FAM221A: variants seen among roughly 807,000 people sequenced by gnomAD.
The protein encoded by FAM221A is protein FAM221A.
FAM221A carries 43 observed loss-of-function variants against 37.6 expected under a neutral mutation model. That is an observed-to-expected ratio of 1.15 (90% CI 0.90 to 1.48). The LOEUF (loss-of-function observed/expected upper bound fraction) is 1.48. FAM221A is among the 40% of genes most tolerant of loss of function. The pLI is 0.00. For synonymous variants in FAM221A, 135 were observed against 132.9 expected (o/e 1.02, Z -0.11); for missense variants, 361 against 361.5 (o/e 1.00, Z 0.01).
intron 4 of FAM221A, 118 bp from the exon 5 acceptor site, chr7:23,698,074 T>TA (rs1785174780): frequency 7.8e-6 from 5 of 641,924 alleles, no homozygotes; most frequent in East Asian, 6.2e-5. Flanking sequence ...ATTTTTTTTT[T>TA]ATAGAAAGAA....
intron 1 of FAM221A, among the ~76,000 whole-genome samples, chr7:23,683,035 G>A (rs75323563): frequency 0.089 from 13,533 of 151,964 alleles, 800 homozygotes; most frequent in African/African-American, 0.17. Flanking sequence ...TTTTCTAATG[G>A]CAAGTACATA....
At chr7:23,689,718 T>C (rs1239228159) in intron 3 of FAM221A, among the ~76,000 whole-genome samples, 1 of 152,180 alleles carries the variant, frequency 6.6e-6, no homozygotes, top group African/African-American at 2.4e-5. Context: ...GTTCAGATAA[T>C]TTAAGTAATA....
At position 23,697,744 on chromosome 7, in the gene FAM221A, A is replaced by AT. The variant is rs140696379; in HGVS notation, c.638-447dup. ...ACTTTTACCCATTTGCTTTTACTTT[A>AT]TATGTCAGACAAAAATCTAAATAAA... On this transcript the variant is annotated intron_variant, in intron 4 of 6. Transcript: ENST00000344962. Among the ~76,000 whole-genome samples the AT allele has an allele frequency of 5.3e-3, 805 of 152,222 alleles. 9 individuals carry two copies. Among genetic ancestry groups the AT allele is most frequent in the African/African-American group, 0.019 (776 of 41,558 alleles).
rs1195349840 is a variant in FAM221A, at chr7:23,689,423, C to T, written c.394C>T (p.Gln132Ter). 2 of 1,592,528 alleles carry T rather than the reference C, an allele frequency of 1.3e-6. No individual in the cohort carries two copies. Among genetic ancestry groups the T allele is most frequent in the Non-Finnish European group, 1.7e-6 (2 of 1,162,938 alleles). Reference protein sequence around the residue: ...IRCRCKHFADQHSAAPGFTCN... With the variant: ...IRCRCKHFAD The stretch of plus-strand genomic sequence containing the variant: ...CTGCAGGTGCAAACACTTTGCTGAT[C>T]AGCACAGTGCTGCGCCTGGCTTTAC... The change falls in exon 3 of 7, where the codon CAG becomes TAG. Residue 132 changes from glutamine to a stop codon, truncating the protein, a stop_gained. Transcript: ENST00000344962. LOFTEE classifies it high-confidence loss of function.
At chr7:23,692,993 T>G (rs1784839840) in intron 4 of FAM221A, 1 of 152,352 alleles carries the variant, frequency 6.6e-6, no homozygotes. Context: ...CTTAGAAAAA[T>G]GTGAAGGCCT....
intron 5 of FAM221A, among the ~76,000 whole-genome samples, 195 bp from the exon 6 acceptor site, chr7:23,700,591 G>C (rs929652291): frequency 1.3e-5 from 2 of 152,186 alleles, no homozygotes; most frequent in African/African-American, 4.8e-5. Flanking sequence ...ATGTTTGCTA[G>C]TGAAAAACAC....
At chr7:23,695,909 G>C (rs1785030394) in intron 4 of FAM221A, among the ~76,000 whole-genome samples, 1 of 152,138 alleles carries the variant, frequency 6.6e-6, no homozygotes, top group Non-Finnish European at 1.5e-5. Context: ...AGTACTTCCA[G>C]AACAATGCTA....
At chr7:23,698,108 C>A (rs1358512768) in intron 4 of FAM221A, 84 bp from the exon 5 acceptor site, 5 of 793,132 alleles carry the variant, frequency 6.3e-6, no homozygotes, top group Admixed American at 5.1e-5. Context: ...TGCTGAGGTT[C>A]CAATTTATTT....
chr7:23,700,670 T>A (rs1301079637), intron 5 of FAM221A, 116 bp from the exon 6 acceptor site: 1 of 641,366 alleles, frequency 1.6e-6, no homozygotes, highest in Non-Finnish European at 2.6e-6. Context: ...ATTTAGGCCA[T>A]TTTTGGTTTG....
At chr7:23,696,963 A>G (rs921482939) in intron 4 of FAM221A, among the ~76,000 whole-genome samples, 2 of 152,100 alleles carry the variant, frequency 1.3e-5, no homozygotes, top group Non-Finnish European at 2.9e-5. Flanking sequence ...TCATGCATCT[A>G]TCATAGCAGG....
chr7:23,684,266 C>T (rs1480536019), intron 1 of FAM221A, among the ~76,000 whole-genome samples: 1 of 142,520 alleles, frequency 7.0e-6, no homozygotes, highest in Non-Finnish European at 1.6e-5. Context: ...GCTTTTGTTA[C>T]ATTCCAGCCT....
intron 3 of FAM221A, among the ~76,000 whole-genome samples, chr7:23,690,199 A>ATATATATATATATT (rs774313037): frequency 5.1e-4 from 25 of 48,728 alleles, no homozygotes; most frequent in South Asian, 1.2e-3. Flanking sequence ...ATATATATAT[A>ATATATATATATATT]TTTTTTTTTT....
intron 2 of FAM221A, 66 bp downstream of exon 2, chr7:23,684,738 T>G: frequency 7.3e-7 from 1 of 1,363,862 alleles, no homozygotes; most frequent in Non-Finnish European, 1.0e-6. Context: ...ATCTTACTTC[T>G]ACAAATCGTA....
At chr7:23,687,843 T>C (rs1784460261) in intron 2 of FAM221A, 1 of 151,520 alleles carries the variant, frequency 6.6e-6, no homozygotes, top group African/African-American at 2.4e-5. Context: ...GGGGTTTTCA[T>C]CATGTTGCCC....
chr7:23,690,871 T>C (rs1004687262), intron 3 of FAM221A, among the ~76,000 whole-genome samples: 2 of 152,216 alleles, frequency 1.3e-5, no homozygotes, highest in African/African-American at 4.8e-5. Context: ...AATCATAGAA[T>C]ATGTGGTCTT....
intron 1 of FAM221A, among the ~76,000 whole-genome samples, chr7:23,682,359 T>G (rs4722246): frequency 6.7e-6 from 1 of 148,808 alleles, no homozygotes; most frequent in Admixed American, 6.7e-5. Context: ...AGCCACCACA[T>G]CTGGCTTTAT....
chr7:23,680,359 G>A, intron 1 of FAM221A, 76 bp downstream of exon 1: 1 of 1,237,398 alleles, frequency 8.1e-7, no homozygotes, highest in Non-Finnish European at 1.1e-6. Flanking sequence ...CGCGAGCAGG[G>A]GCCCGGCGGG....
intron 1 of FAM221A, among the ~76,000 whole-genome samples, chr7:23,682,871 C>T (rs1016575398): frequency 1.3e-5 from 2 of 152,042 alleles, no homozygotes; most frequent in Non-Finnish European, 2.9e-5. Flanking sequence ...ATCTTAATAC[C>T]TGTTGGTATT....
rs1785495131 is a variant in FAM221A, at chr7:23,702,091, T to G, written c.829-5T>G. ...ATTATATCAATAAATATGTTAAATTTACAGATGAAAATGGAAAAGGCTGCT... is the reference window on the plus strand; with the variant it reads ...ATTATATCAATAAATATGTTAAATTGACAGATGAAAATGGAAAAGGCTGCT... On this transcript the variant is annotated splice_polypyrimidine_tract_variant and splice_region_variant and intron_variant, in intron 6 of 6. Transcript: ENST00000344962. 3 of 1,584,552 alleles carry G rather than the reference T, an allele frequency of 1.9e-6. No homozygotes were observed. The African/African-American group carries it at 4.1e-5, about 22-fold the overall frequency.
Sources: gnomAD v4.1 joint callset for allele counts (sites outside exome capture counted in the v4.1 genomes callset) on GRCh38, gnomAD v4.1.1 for gene constraint, MANE v1.5 for transcripts, NCBI Gene and HGNC (gene_info 2026-07-23, HGNC 2026-07-21) for gene names.